Variants in NTM observed in about 807,000 individuals in gnomAD.
NTM encodes the protein neurotrimin, also known as IgLON family member 2.
Under a neutral mutation model 42.1 loss-of-function variants are expected in NTM, and 13 were observed. That is an observed-to-expected ratio of 0.31 (90% confidence interval 0.20 to 0.49). NTM has a LOEUF of 0.49. Ranked by LOEUF, NTM falls within the 20% of genes least tolerant of loss-of-function variation. The pLI, the probability that NTM is intolerant of heterozygous loss-of-function variation, is 0.99. For missense variants in NTM, 373 were observed against 452.8 expected, an observed-to-expected ratio of 0.82 and a Z score of 1.60; for synonymous variants, 187 against 179.2, an observed-to-expected ratio of 1.04 and a Z score of -0.35.
At chr11:132,069,829 A>T (rs71485721) in intron 2 of NTM, among the ~76,000 whole-genome samples, 1 of 147,096 alleles carries the variant, frequency 6.8e-6, no homozygotes, top group Non-Finnish European at 1.5e-5. Flanking sequence ...CAAACTGACC[A>T]TCACAGGTTA....
intron 1 of NTM, among the ~76,000 whole-genome samples, chr11:131,655,366 A>C (rs907096548): frequency 6.6e-6 from 1 of 152,240 alleles, no homozygotes; most frequent in African/African-American, 2.4e-5. Flanking sequence ...CACTTGCTCC[A>C]TCATCCGGGA....
chr11:131,702,669 A>C (rs540340721), intron 1 of NTM, among the ~76,000 whole-genome samples: 2 of 152,228 alleles, frequency 1.3e-5, no homozygotes, highest in African/African-American at 4.8e-5. Context: ...TGCTTTCCCA[A>C]GTGACTATTG....
At chr11:132,249,423 T>A (rs2091662514) in intron 4 of NTM, among the ~76,000 whole-genome samples, 1 of 152,152 alleles carries the variant, frequency 6.6e-6, no homozygotes, top group African/African-American at 2.4e-5. Flanking sequence ...CCCCAGCTGA[T>A]CTGCTGAGGA....
intron 1 of NTM, among the ~76,000 whole-genome samples, chr11:131,905,484 C>T (rs2053740953): frequency 6.6e-6 from 1 of 152,100 alleles, no homozygotes; most frequent in South Asian, 2.1e-4. Flanking sequence ...AGCGTCTGTG[C>T]TGTCTTCTGC....
intron 1 of NTM, among the ~76,000 whole-genome samples, chr11:131,712,511 G>C (rs2077277941): frequency 6.6e-6 from 1 of 152,170 alleles, no homozygotes; most frequent in Admixed American, 6.5e-5. Flanking sequence ...CCCATAACTA[G>C]TGGGATAATA....
At chr11:131,621,121 A>G (rs1012908954) in intron 1 of NTM, among the ~76,000 whole-genome samples, 3 of 152,212 alleles carry the variant, frequency 2.0e-5, no homozygotes, top group Non-Finnish European at 4.4e-5. Context: ...CTGTTAAGGT[A>G]ATGAAACTCA....
intron 4 of NTM, among the ~76,000 whole-genome samples, chr11:132,260,992 A>G (rs1395006905): frequency 6.6e-6 from 1 of 152,066 alleles, no homozygotes; most frequent in Non-Finnish European, 1.5e-5. Context: ...ATGGAAAGAG[A>G]GCATGCTTAG....
chr11:131,884,089 G>T (rs1296735338), intron 1 of NTM, among the ~76,000 whole-genome samples: 1 of 152,174 alleles, frequency 6.6e-6, no homozygotes, highest in Admixed American at 6.5e-5. Flanking sequence ...CTAGATGCTA[G>T]TAGAGTCCCC....
rs188186418 is a variant in NTM at position 132,121,222 on chromosome 11, T to G, written c.168-25060T>G. On this transcript the variant is annotated intron_variant, in intron 2 of 8. Coordinates refer to ENST00000683400, the MANE Select transcript of NTM (RefSeq NM_001352005.2). ...GGCAATGACCTCTATAAGCCCTTCTTCCCTGGACCTCATTTGCTTTGAATA... is the reference window on the plus strand; with the variant it reads ...GGCAATGACCTCTATAAGCCCTTCTGCCCTGGACCTCATTTGCTTTGAATA... 1.0e-3 allele frequency among the ~76,000 whole-genome samples: 159 copies of G among 152,246 alleles called. 2 individuals carry two copies. The highest frequency in any genetic ancestry group is 3.1e-3 in the African/African-American group (127 of 41,538).
At chr11:131,927,910 G>T (rs1273308135) in intron 2 of NTM, among the ~76,000 whole-genome samples, 1 of 151,900 alleles carries the variant, frequency 6.6e-6, no homozygotes, top group Non-Finnish European at 1.5e-5. Context: ...CAACTTATAA[G>T]TCTGCATGAA....
chr11:132,304,444 G>A (rs1260588200), intron 4 of NTM, among the ~76,000 whole-genome samples: 2 of 150,706 alleles, frequency 1.3e-5, no homozygotes, highest in African/African-American at 4.9e-5. Flanking sequence ...TGCTTTGTAA[G>A]TTCCTCACAC....
intron 1 of NTM, among the ~76,000 whole-genome samples, chr11:131,509,344 T>C (rs1172495227): frequency 6.6e-6 from 1 of 152,228 alleles, no homozygotes. Flanking sequence ...CCCTTTACTC[T>C]GTCGGTGTCC....
intron 4 of NTM, among the ~76,000 whole-genome samples, chr11:132,275,701 T>TATATATATGTATATATATAC (rs1491547658): frequency 8.7e-6 from 1 of 115,572 alleles, no homozygotes; most frequent in African/African-American, 3.5e-5. Flanking sequence ...TATATATATA[T>TATATATATGTATATATATAC]GTATATATAT....
intron 1 of NTM, among the ~76,000 whole-genome samples, chr11:131,407,357 T>C (rs1346319721): frequency 2.6e-5 from 4 of 152,194 alleles, no homozygotes; most frequent in Admixed American, 6.5e-5. Context: ...CCTTTGCTTG[T>C]CAGTTTGTAT....
chr11:131,892,677 C>CT lies in NTM; in HGVS notation c.83-18886dup, dbSNP rs1172404687. Among the ~76,000 whole-genome samples, 3 of 152,366 alleles carry CT rather than the reference C, an allele frequency of 2.0e-5. No individual in the cohort carries two copies. The East Asian group carries it at 5.8e-4, about 29-fold the overall frequency. ...GGAGGAAATTTAAAGACGCTGCTGC[C>CT]TCCAAGCTCATCAGGTTCTCCTGTC... On this transcript the variant is annotated intron_variant, in intron 1 of 8. Coordinates refer to ENST00000683400, the MANE Select transcript of NTM (RefSeq NM_001352005.2).
At chr11:132,299,184 A>G (rs941475231) in intron 4 of NTM, among the ~76,000 whole-genome samples, 13 of 152,238 alleles carry the variant, frequency 8.5e-5, no homozygotes, top group African/African-American at 2.9e-4. Flanking sequence ...AGTCCCAGCT[A>G]CTCAGGAGGC....
intron 1 of NTM, among the ~76,000 whole-genome samples, chr11:131,905,867 T>C (rs1042042066): frequency 1.3e-5 from 2 of 152,078 alleles, no homozygotes; most frequent in South Asian, 4.1e-4. Context: ...CCAGTGAAGC[T>C]AGAGAACCAA....
chr11:131,993,188 A>G (rs543146725), intron 2 of NTM, among the ~76,000 whole-genome samples: 3 of 152,298 alleles, frequency 2.0e-5, no homozygotes, highest in African/African-American at 7.2e-5. Context: ...CCCACTGGCA[A>G]ATAGTTTGGG....
rs558048831 is a variant in NTM, at chr11:131,595,366, C to T, written c.82+224478C>T. 1.4e-4 allele frequency among the ~76,000 whole-genome samples: 22 copies of T among 152,242 alleles called. No homozygotes were observed. The South Asian group carries it at 1.9e-3, about 13-fold the overall frequency. ...ATTCAAGAGGGCTGAGCAGTTCACACGGAGGGGAAAAAAGACCCTGAAATT... is the reference window on the plus strand; with the variant it reads ...ATTCAAGAGGGCTGAGCAGTTCACATGGAGGGGAAAAAAGACCCTGAAATT... On this transcript the variant is annotated intron_variant, in intron 1 of 8. Transcript: ENST00000683400.
Sources: allele counts gnomAD v4.1 joint callset (sites outside exome capture counted in the v4.1 genomes callset), GRCh38; gene constraint gnomAD v4.1.1; transcripts MANE v1.5; gene names NCBI Gene and HGNC (gene_info 2026-07-23, HGNC 2026-07-21).